The following ADAMTS19 variants were observed in gnomAD, a reference collection of about 807,000 sequenced individuals.
The protein encoded by ADAMTS19 is ADAM metallopeptidase with thrombospondin type 1 motif 19, also known as A disintegrin and metalloproteinase with thrombospondin motifs 19.
Under a neutral mutation model 153.3 loss-of-function variants are expected in ADAMTS19, and 93 were observed. The observed-to-expected ratio is 0.61, with a 90% CI of 0.51 to 0.72. The LOEUF (loss-of-function observed/expected upper bound fraction) is 0.72. Ranked by LOEUF, ADAMTS19 falls within the 30% of genes least tolerant of loss-of-function variation. The pLI, the probability that ADAMTS19 is intolerant of heterozygous loss-of-function variation, is 0.00. For missense variants in ADAMTS19, 1,482 were observed against 1,552.1 expected (o/e 0.95, Z 0.76); for synonymous variants, 600 against 556.6 (o/e 1.08, Z -1.10).
chr5:129,547,320 G>C (rs1403153212), intron 6 of ADAMTS19, among the ~76,000 whole-genome samples: 2 of 150,862 alleles, frequency 1.3e-5, no homozygotes, highest in Non-Finnish European at 2.9e-5. Context: ...AGAGCTTTCA[G>C]AGGGAACATG....
chr5:129,633,530 A>G (rs902179929), intron 10 of ADAMTS19, among the ~76,000 whole-genome samples: 1 of 152,116 alleles, frequency 6.6e-6, no homozygotes, highest in African/African-American at 2.4e-5. Flanking sequence ...TTTATTTTCT[A>G]TGGCCGCCCT....
intron 18 of ADAMTS19, among the ~76,000 whole-genome samples, chr5:129,692,339 T>C: frequency 6.6e-6 from 1 of 151,428 alleles, no homozygotes. Context: ...TTTCTCCATG[T>C]GAAAAAAAAA....
intron 6 of ADAMTS19, among the ~76,000 whole-genome samples, chr5:129,547,156 GA>G (rs1752890112): frequency 6.6e-6 from 1 of 150,688 alleles, no homozygotes; most frequent in Non-Finnish European, 1.5e-5. Context: ...GTGAGGAAAA[GA>G]GAGAGAGTGG....
rs79349579 is a variant in ADAMTS19, at chr5:129,724,209, C to T, written c.3313-10723C>T. The stretch of plus-strand genomic sequence containing the variant: ...ATGTAGATTTTTCCCACAAGAGCAG[C>T]TTTGCATGGCCATTTCAAAATATGT... On this transcript the variant is annotated intron_variant, in intron 21 of 22. Transcript: ENST00000274487. Among the ~76,000 whole-genome samples the T allele has an allele frequency of 6.5e-3, 997 of 152,334 alleles. 7 individuals are homozygous for T. Among genetic ancestry groups the T allele is most frequent in the African/African-American group, 0.022 (921 of 41,566 alleles).
At chr5:129,509,387 G>T in intron 3 of ADAMTS19, 145 bp downstream of exon 3, 3 of 807,758 alleles carry the variant, frequency 3.7e-6, no homozygotes, top group Non-Finnish European at 5.5e-6. Flanking sequence ...ATCAATTATA[G>T]GATTATCTTT....
intron 10 of ADAMTS19, among the ~76,000 whole-genome samples, chr5:129,635,244 A>G (rs540617369): frequency 3.1e-4 from 47 of 152,340 alleles, no homozygotes; most frequent in African/African-American, 1.1e-3. Flanking sequence ...TACTATTAAA[A>G]TGTCAAAAAA....
chr5:129,525,674 AT>A (rs1229012525), intron 3 of ADAMTS19, among the ~76,000 whole-genome samples: 1 of 151,998 alleles, frequency 6.6e-6, no homozygotes, highest in Non-Finnish European at 1.5e-5. Context: ...CTTACTTTTT[AT>A]GTAGGCAAAC....
At chr5:129,713,780 AC>A (rs1258554797) in intron 21 of ADAMTS19, among the ~76,000 whole-genome samples, 1 of 151,426 alleles carries the variant, frequency 6.6e-6, no homozygotes, top group African/African-American at 2.4e-5. Flanking sequence ...AAAAAAATTA[AC>A]AAAATGTTTT....
intron 7 of ADAMTS19, among the ~76,000 whole-genome samples, chr5:129,565,546 T>C (rs1753676554): frequency 6.6e-6 from 1 of 152,190 alleles, no homozygotes. Context: ...CCCTATTCTG[T>C]GCCCAAGTTT....
In ADAMTS19 at chr5:129,611,373, T is replaced by A. The variant is rs189420929; in HGVS notation, c.1479-9245T>A. On this transcript the variant is annotated intron_variant, in intron 8 of 22. Transcript: ENST00000274487. ...CACGAAGTCCTTGCCCATGCCTATG[T>A]CCTGAATGGTATTGCCTGGGTTTTC... 8.9e-4 allele frequency among the ~76,000 whole-genome samples: 135 copies of A among 152,324 alleles called. 1 individual carries two copies. Among genetic ancestry groups the A allele is most frequent in the African/African-American group, 3.0e-3 (125 of 41,582 alleles).
intron 7 of ADAMTS19, among the ~76,000 whole-genome samples, chr5:129,589,424 T>TA (rs1329932369): frequency 6.6e-6 from 1 of 152,036 alleles, no homozygotes; most frequent in Non-Finnish European, 1.5e-5. Context: ...ACATATATGT[T>TA]ATCCAAATGT....
chr5:129,521,829 CA>C (rs996813081), intron 3 of ADAMTS19, among the ~76,000 whole-genome samples: 107 of 152,128 alleles, frequency 7.0e-4, no homozygotes, highest in Non-Finnish European at 1.9e-4. Flanking sequence ...CACATCTAAC[CA>C]AAAAGCAGTG....
intron 21 of ADAMTS19, among the ~76,000 whole-genome samples, chr5:129,726,830 C>G (rs1757230366): frequency 6.6e-6 from 1 of 151,938 alleles, no homozygotes; most frequent in African/African-American, 2.4e-5. Flanking sequence ...ATTTCTCATC[C>G]TCTCTCCCAG....
At chr5:129,629,300 G>A (rs1262435736) in intron 10 of ADAMTS19, among the ~76,000 whole-genome samples, 14 of 152,030 alleles carry the variant, frequency 9.2e-5, no homozygotes, top group Non-Finnish European at 2.1e-4. Flanking sequence ...TATAGGGCAG[G>A]TATCTTGTTT....
chr5:129,689,460 T>A (rs1266428580), intron 18 of ADAMTS19, among the ~76,000 whole-genome samples: 1 of 152,218 alleles, frequency 6.6e-6, no homozygotes, highest in Non-Finnish European at 1.5e-5. Flanking sequence ...GTTTGGCTCT[T>A]ATTGCCCAGG....
At chr5:129,530,547 A>T (rs545749237) in intron 6 of ADAMTS19, among the ~76,000 whole-genome samples, 1 of 152,348 alleles carries the variant, frequency 6.6e-6, no homozygotes, top group Admixed American at 6.5e-5. Context: ...AAAAACCATA[A>T]GTTCAAAAGA....
At chr5:129,606,728 T>C (rs1025920695) in intron 8 of ADAMTS19, among the ~76,000 whole-genome samples, 9 of 152,212 alleles carry the variant, frequency 5.9e-5, no homozygotes, top group African/African-American at 2.2e-4. Flanking sequence ...ATTTTATGAA[T>C]GCAAATGAAC....
At chr5:129,464,246 A>G (rs1749782951) in intron 2 of ADAMTS19, among the ~76,000 whole-genome samples, 1 of 152,198 alleles carries the variant, frequency 6.6e-6, no homozygotes, top group South Asian at 2.1e-4. Context: ...CTGCAAGAAT[A>G]TGGGCTTTTT....
At chr5:129,592,440 A>G (rs1435032460) in intron 7 of ADAMTS19, among the ~76,000 whole-genome samples, 2 of 151,924 alleles carry the variant, frequency 1.3e-5, no homozygotes, top group Non-Finnish European at 2.9e-5. Flanking sequence ...TCTTTAAATA[A>G]CATCTGTGTT....
Sources: gnomAD v4.1 joint callset for allele counts (sites outside exome capture counted in the v4.1 genomes callset) on GRCh38, gnomAD v4.1.1 for gene constraint, MANE v1.5 for transcripts, NCBI Gene and HGNC (gene_info 2026-07-23, HGNC 2026-07-21) for gene names.